Variants in SIDT2 observed in about 807,000 individuals in gnomAD.
The protein encoded by SIDT2 is SID1 transmembrane family, member 2.
Under a neutral mutation model 114.4 loss-of-function variants are expected in SIDT2, and 68 were observed. The observed-to-expected ratio is 0.59, with a 90% CI of 0.49 to 0.73. The LOEUF is 0.73. Ranked by LOEUF, SIDT2 falls within the 30% of genes least tolerant of loss-of-function variation. The pLI, the probability that SIDT2 is intolerant of heterozygous loss-of-function variation, is 0.00. For synonymous variants in SIDT2, 470 were observed against 438.4 expected (o/e 1.07, Z -0.90); for missense variants, 918 against 1,097.1 (o/e 0.84, Z 2.31).
At chr11:117,184,790 A>G (rs2030429238) in intron 8 of SIDT2, among the ~76,000 whole-genome samples, 1 of 152,054 alleles carries the variant, frequency 6.6e-6, no homozygotes. Flanking sequence ...CAGTGGCAAG[A>G]TCTCTACTCA....
chr11:117,195,689 C>A, intron 24 of SIDT2, 113 bp from the exon 25 acceptor site: 1 of 1,043,412 alleles, frequency 9.6e-7, no homozygotes, highest in Non-Finnish European at 1.5e-6. Flanking sequence ...AGAATTGCTG[C>A]TGTCCTGCCT....
chr11:117,189,764 G>A, intron 15 of SIDT2, 188 bp from the exon 16 acceptor site: 1 of 626,358 alleles, frequency 1.6e-6, no homozygotes, highest in Admixed American at 2.6e-5. Context: ...CGCCTAATGA[G>A]AGGGGACAGC....
In SIDT2 at chr11:117,192,018, AG is replaced by A. The variant is rs778896800; in HGVS notation, c.1872+7del. The A allele has an allele frequency of 1.9e-6, 3 of 1,613,942 alleles. No homozygotes were observed. The highest frequency in any genetic ancestry group is 2.7e-5 in the African/African-American group (2 of 74,902). ...CTTCTTCTCTGTGCTGGGCGTGGTG[AG>A]GGCCTGACCTGCTCTGCTCAGCCTG... On this transcript the variant is annotated splice_donor_5th_base_variant and intron_variant, in intron 19 of 25. Transcript: ENST00000324225. The surrounding 1 kb of genome is among the most constrained non-coding windows in gnomAD (Gnocchi z 5.9).
Position 117,190,546 on chromosome 11 carries a change from A to G in SIDT2, c.1618-77A>G. On this transcript the variant is annotated intron_variant, in intron 17 of 25. Transcript: ENST00000324225. This position sits in a 1 kb window ranked among gnomAD's most constrained non-coding sequence, Gnocchi z 4.1. The stretch of plus-strand genomic sequence containing the variant: ...CCCCTTTTCCTCTTCCACTCCTCTT[A>G]GGGTCCCTCTTTTGGGTCCCTTCTT... The G allele has an allele frequency of 1.6e-6, 2 of 1,268,238 alleles. No homozygotes were observed. Among genetic ancestry groups the G allele is most frequent in the Non-Finnish European group, 2.2e-6 (2 of 905,052 alleles). 78.6% of individuals were successfully genotyped at this position (1,268,238 alleles called of 1,614,324 possible).
intron 10 of SIDT2, 41 bp from the exon 11 acceptor site, chr11:117,187,337 C>G (rs2030535602): frequency 1.1e-5 from 18 of 1,588,084 alleles, no homozygotes; most frequent in Non-Finnish European, 1.6e-5. Flanking sequence ...CTAGGCCTCT[C>G]TCTTCGTCCA....
Position 117,188,008 on chromosome 11 carries a change from G to T in SIDT2, c.1159+309G>T, listed in dbSNP as rs1010990903. The stretch of plus-strand genomic sequence containing the variant: ...TTGCCAATCAGTGCCTGCCGGCTCC[G>T]GTTGACTGCCGGCTGTGGGGCCAGA... On this transcript the variant is annotated intron_variant, in intron 12 of 25. Transcript: ENST00000324225. This position sits in a 1 kb window ranked among gnomAD's most constrained non-coding sequence, Gnocchi z 4.0. The T allele has an allele frequency of 1.3e-5, 8 of 597,554 alleles. No individual in the cohort carries two copies. The highest frequency in any genetic ancestry group is 1.3e-4 in the African/African-American group (7 of 54,782). 37.0% of individuals were successfully genotyped at this position (597,554 alleles called of 1,614,324 possible). A position where few individuals can be genotyped will look rare whatever the true frequency, so the allele number is the denominator to read the frequency against.
At position 117,183,711 on chromosome 11, in the gene SIDT2, G is replaced by A. The variant is rs898649810; in HGVS notation, c.703-68G>A. 3 of 1,133,708 alleles carry A rather than the reference G, an allele frequency of 2.6e-6. No individual in the cohort carries two copies. The African/African-American group carries it at 4.6e-5, about 17-fold the overall frequency. The allele number at this position is 1,133,708 out of a possible 1,614,324, so 70.2% of individuals were successfully genotyped here. A position where few individuals can be genotyped will look rare whatever the true frequency, so the allele number is the denominator to read the frequency against. On this transcript the variant is annotated intron_variant, in intron 6 of 25. Coordinates refer to ENST00000324225, the MANE Select transcript of SIDT2 (RefSeq NM_001040455.2). ...GAATTTAGCATAATGTCTGGCCCCA[G>A]AACAAGTATTTAGAAAAGAATGATG...
intron 8 of SIDT2, 137 bp from the exon 9 acceptor site, chr11:117,185,980 TTGTTCATACTGGC>T: frequency 3.3e-6 from 2 of 607,762 alleles, no homozygotes; most frequent in Non-Finnish European, 5.8e-6. Flanking sequence ...GAACTGCCAG[TTGTTCATACTGGC>T]TAGGCAGGGC....
intron 6 of SIDT2, 47 bp downstream of exon 6, chr11:117,182,853 C>A: frequency 1.3e-6 from 2 of 1,578,206 alleles, no homozygotes; most frequent in Non-Finnish European, 8.6e-7. Context: ...GGGCGATAAG[C>A]TGTGTAGCTT....
In SIDT2 at chr11:117,195,901, T is replaced by G; in HGVS notation, c.2422T>G (p.Phe808Val). The change falls in exon 25 of 26, where the codon TTC becomes GTC. Residue 808 changes from phenylalanine to valine, a missense_variant. Transcript: ENST00000324225. ...GCACTTCCTCTCCTCCATCGCCATG[T>G]TCGGGTCCTTCCTGGTAAGCGGGCC... Reference protein sequence around the residue: ...IWHFLSSIAMFGSFLVLLTLD... With the variant: ...IWHFLSSIAMVGSFLVLLTLD... The G allele has an allele frequency of 2.5e-6, 4 of 1,614,254 alleles. No individual in the cohort carries two copies. Among genetic ancestry groups the G allele is most frequent in the Non-Finnish European group, 3.4e-6 (4 of 1,180,040 alleles).
chr11:117,194,366 C>T (rs2030814857), intron 24 of SIDT2, among the ~76,000 whole-genome samples: 4 of 152,122 alleles, frequency 2.6e-5, no homozygotes, highest in South Asian at 2.1e-4. Context: ...ACTTTCATAG[C>T]GGCTTCCCCA....
At position 117,192,983 on chromosome 11, in the gene SIDT2, T is replaced by C; in HGVS notation, c.2105+117T>C. ...AATGTTGGGCATAAGACATGGGGGC[T>C]AAGAGAGATCTTGGCCTCTCTTCTC... On this transcript the variant is annotated intron_variant, in intron 22 of 25. Coordinates refer to ENST00000324225, the MANE Select transcript of SIDT2 (RefSeq NM_001040455.2). The surrounding 1 kb of genome is among the most constrained non-coding windows in gnomAD (Gnocchi z 5.9). 2 of 1,410,272 alleles carry C rather than the reference T, an allele frequency of 1.4e-6. No individual in the cohort carries two copies. The highest frequency in any genetic ancestry group is 2.0e-6 in the Non-Finnish European group (2 of 995,010). The allele number at this position is 1,410,272 out of a possible 1,614,324, so 87.4% of individuals were successfully genotyped here. A position where few individuals can be genotyped will look rare whatever the true frequency, so the allele number is the denominator to read the frequency against.
chr11:117,192,346 G>A lies in SIDT2; in HGVS notation c.1965G>A (p.Met655Ile). ...TCCTCAGCACGCAGCTCTATTACAT[G>A]GGCCGGTGGAAACTGGGTAAGGGCA... is the stretch of plus-strand genomic sequence containing the variant. ...TLLLSTQLYY[M>I]GRWKLDSGIF... The change falls in exon 20 of 26, where the codon ATG becomes ATA. Residue 655 changes from methionine (M) to isoleucine (I), a missense_variant. Physicochemically the swap from Met to Ile is conservative, Grantham distance 10. Transcript: ENST00000324225. This position sits in a 1 kb window ranked among gnomAD's most constrained non-coding sequence, Gnocchi z 5.9. The A allele has an allele frequency of 1.2e-6, 2 of 1,604,204 alleles. No individual in the cohort carries two copies. The highest frequency in any genetic ancestry group is 2.2e-5 in the East Asian group (1 of 44,816).
intron 22 of SIDT2, 62 bp from the exon 23 acceptor site, chr11:117,193,091 C>CA: frequency 6.5e-7 from 1 of 1,535,942 alleles, no homozygotes; most frequent in Non-Finnish European, 9.0e-7. Flanking sequence ...CTAGGCAGGG[C>CA]AGGAAGAGCA....
chr11:117,179,545 G>A (rs2030179974), intron 1 of SIDT2, 99 bp downstream of exon 1: 1 of 1,299,488 alleles, frequency 7.7e-7, no homozygotes, highest in Non-Finnish European at 1.1e-6. Context: ...CCCCAGGAAC[G>A]AGCTGTCCTG....
chr11:117,183,193 A>C (rs1460596485), intron 6 of SIDT2, among the ~76,000 whole-genome samples: 1 of 151,798 alleles, frequency 6.6e-6, no homozygotes, highest in African/African-American at 2.4e-5. Context: ...AAAATACGAA[A>C]AATTAGCTGG....
At chr11:117,181,577 G>A in intron 2 of SIDT2, 40 bp downstream of exon 2, 1 of 1,612,382 alleles carries the variant, frequency 6.2e-7, no homozygotes, top group Non-Finnish European at 8.5e-7. Context: ...GGGCAGCCTA[G>A]GCCAGTCCTT....
rs563005851 is a variant in SIDT2 at position 117,197,441 on chromosome 11, C to G, written c.*1375C>G. On this transcript the variant is annotated 3_prime_UTR_variant, in exon 26 of 26. Transcript: ENST00000324225. The stretch of plus-strand genomic sequence containing the variant: ...TTTGCATTCAATAAACAACCAGACT[C>G]AGTTCTTGGGGCCCTTGTTTGCACT... 6 of 152,720 alleles carry G rather than the reference C, an allele frequency of 3.9e-5. No homozygotes were observed. Among genetic ancestry groups the G allele is most frequent in the African/African-American group, 1.2e-4 (5 of 41,546 alleles). 9.5% of individuals were successfully genotyped at this position (152,720 alleles called of 1,614,324 possible).
chr11:117,182,876 C>T lies in SIDT2; in HGVS notation c.702+70C>T. The T allele has an allele frequency of 2.7e-6, 4 of 1,496,264 alleles. No homozygotes were observed. The South Asian group carries it at 3.8e-5, about 14-fold the overall frequency. The allele number at this position is 1,496,264 out of a possible 1,614,324, so 92.7% of individuals were successfully genotyped here. A position where few individuals can be genotyped will look rare whatever the true frequency, so the allele number is the denominator to read the frequency against. On this transcript the variant is annotated intron_variant, in intron 6 of 25. Coordinates refer to ENST00000324225, the MANE Select transcript of SIDT2 (RefSeq NM_001040455.2). The stretch of plus-strand genomic sequence containing the variant: ...AGCTGTGTAGCTTTCCAAACTTGAG[C>T]TCTTCTTCCTCTGCCCATTCCTATC...
Sources: allele counts gnomAD v4.1 joint callset (sites outside exome capture counted in the v4.1 genomes callset), GRCh38; gene constraint gnomAD v4.1.1; non-coding constraint Gnocchi (gnomAD v3.1); transcripts MANE v1.5; gene names NCBI Gene and HGNC (gene_info 2026-07-23, HGNC 2026-07-21).